The following CNTNAP1 variants were observed in gnomAD, a reference collection of about 807,000 sequenced individuals.
CNTNAP1 encodes contactin associated protein 1.
Under a neutral mutation model 161.5 loss-of-function variants are expected in CNTNAP1, and 80 were observed. The observed-to-expected ratio is 0.50, with a 90% CI of 0.41 to 0.60. The LOEUF (loss-of-function observed/expected upper bound fraction) is 0.60, where lower values mean the gene tolerates loss of function less well. Ranked by LOEUF, CNTNAP1 falls within the 20% of genes least tolerant of loss-of-function variation. The probability of loss-of-function intolerance (pLI) is 0.00; values close to 1 mark genes in which losing one functional copy is unlikely to be tolerated. For missense variants in CNTNAP1, 1,464 were observed against 1,854.8 expected, an observed-to-expected ratio of 0.79 and a Z score of 3.87; for synonymous variants, 695 against 733.1, an observed-to-expected ratio of 0.95 and a Z score of 0.84.
At chr17:42,689,237 A>G (rs2053055475) in intron 10 of CNTNAP1, among the ~76,000 whole-genome samples, 190 bp downstream of exon 10, 1 of 152,012 alleles carries the variant, frequency 6.6e-6, no homozygotes, top group South Asian at 2.1e-4. Context: ...TCAGGATGGA[A>G]ATGACACATT....
At chr17:42,698,219 A>T (rs2053175520) in intron 23 of CNTNAP1, among the ~76,000 whole-genome samples, 1 of 152,170 alleles carries the variant, frequency 6.6e-6, no homozygotes, top group Admixed American at 6.5e-5. Flanking sequence ...TTTTTAAATA[A>T]AATATTAAAA....
At chr17:42,692,780 A>T (rs1597809228) in intron 17 of CNTNAP1, 60 bp downstream of exon 17, 2 of 1,477,142 alleles carry the variant, frequency 1.4e-6, no homozygotes, top group Admixed American at 2.0e-5. Context: ...CTCCAAGGCC[A>T]CTCGCCTTGT....
At chr17:42,683,709 G>C in intron 1 of CNTNAP1, 112 bp from the exon 2 acceptor site, 1 of 1,476,856 alleles carries the variant, frequency 6.8e-7, no homozygotes. Context: ...GTGTGCCTCT[G>C]GGGGCGGGGG....
At position 42,691,773 on chromosome 17, in the gene CNTNAP1, CCT is replaced by C. The variant is rs1567973598; in HGVS notation, c.2345-32_2345-31del. The C allele has an allele frequency of 6.2e-7, 1 of 1,610,202 alleles. No homozygotes were observed. The highest frequency in any genetic ancestry group is 8.5e-7 in the Non-Finnish European group (1 of 1,176,852). ...TCTTCCTCCTCCACCCTCCAATCTC[CCT>C]GACAAGACCTTCCTCCATCTGCTTT... is the stretch of plus-strand genomic sequence containing the variant. On this transcript the variant is annotated intron_variant, in intron 15 of 23. Coordinates refer to ENST00000264638, the MANE Select transcript of CNTNAP1 (RefSeq NM_003632.3). The surrounding 1 kb of genome is among the most constrained non-coding windows in gnomAD (Gnocchi z 4.3).
At chr17:42,698,041 A>C (rs1051999674) in intron 23 of CNTNAP1, 91 bp downstream of exon 23, 4 of 1,436,086 alleles carry the variant, frequency 2.8e-6, no homozygotes, top group Admixed American at 1.7e-5. Flanking sequence ...AGGCTGCAGG[A>C]TGGCAAAGGC....
At chr17:42,697,114 A>T (rs1311532420) in intron 20 of CNTNAP1, among the ~76,000 whole-genome samples, 160 bp from the exon 21 acceptor site, 1 of 152,002 alleles carries the variant, frequency 6.6e-6, no homozygotes, top group Non-Finnish European at 1.5e-5. Context: ...TTGAGCTAGG[A>T]CTCACCCAGC....
Position 42,691,755 on chromosome 17 carries a change from C to G in CNTNAP1, c.2345-51C>G. ...GCCCCCAACCCCAGGTTCTCTTCCTCCTCCACCCTCCAATCTCCCTGACAA... is the reference window on the plus strand; with the variant it reads ...GCCCCCAACCCCAGGTTCTCTTCCTGCTCCACCCTCCAATCTCCCTGACAA... On this transcript the variant is annotated intron_variant, in intron 15 of 23. Transcript: ENST00000264638. The surrounding 1 kb of genome is among the most constrained non-coding windows in gnomAD (Gnocchi z 4.3). 4 of 1,590,504 alleles carry G rather than the reference C, an allele frequency of 2.5e-6. No individual in the cohort carries two copies. The highest frequency in any genetic ancestry group is 3.4e-6 in the Non-Finnish European group (4 of 1,160,788).
rs566767746 is a variant in CNTNAP1, at chr17:42,685,220, C to G, written c.515C>G (p.Ala172Gly). Residue 172 changes from alanine to glycine, a missense_variant, in exon 5 of 24, where the codon GCC becomes GGC. By Grantham distance (60) the Ala-to-Gly change is moderately conservative (BLOSUM62 0). Around this residue, in one of 3 missense-constraint regions of CNTNAP1, gnomAD observed 1,383 missense variants for 1,765.0 expected, o/e 0.78. Coordinates refer to ENST00000264638, the MANE Select transcript of CNTNAP1 (RefSeq NM_003632.3). This position sits in a 1 kb window ranked among gnomAD's most constrained non-coding sequence, Gnocchi z 5.0. The part of the protein sequence containing the change: ...RLGLYGCPYK[A>G]DILYFDGDDA... ...CCACCTACGGTCCTTTGCGCAGAGG[C>G]CGACATACTCTATTTCGACGGCGAC... 6.2e-7 allele frequency: 1 copy of G among 1,613,624 alleles called. No individual in the cohort carries two copies. Among genetic ancestry groups the G allele is most frequent in the Non-Finnish European group, 8.5e-7 (1 of 1,180,024 alleles).
chr17:42,694,957 A>G (rs2053134422), intron 18 of CNTNAP1, among the ~76,000 whole-genome samples: 1 of 151,936 alleles, frequency 6.6e-6, no homozygotes. Flanking sequence ...TGGCACATAT[A>G]CTACATGGGG....
chr17:42,683,027 T>A, intron 1 of CNTNAP1, 131 bp downstream of exon 1: 1 of 834,944 alleles, frequency 1.2e-6, no homozygotes, highest in Non-Finnish European at 1.8e-6. Flanking sequence ...GGCTCTCATC[T>A]TTTCCTGCCT....
Position 42,685,484 on chromosome 17 carries a change from T to C in CNTNAP1, c.715+64T>C. On this transcript the variant is annotated intron_variant, in intron 5 of 23. Coordinates refer to ENST00000264638, the MANE Select transcript of CNTNAP1 (RefSeq NM_003632.3). This position sits in a 1 kb window ranked among gnomAD's most constrained non-coding sequence, Gnocchi z 5.0. ...TGAAGCTCTCTCACCGCCCTCCTCGTGGCACCTCCTCCGCGCATCCGCGCT... is the reference window on the plus strand; with the variant it reads ...TGAAGCTCTCTCACCGCCCTCCTCGCGGCACCTCCTCCGCGCATCCGCGCT... The C allele has an allele frequency of 6.8e-7, 1 of 1,475,520 alleles. No individual in the cohort carries two copies. The highest frequency in any genetic ancestry group is 9.2e-7 in the Non-Finnish European group (1 of 1,088,106). The allele number at this position is 1,475,520 out of a possible 1,614,324, so 91.4% of individuals were successfully genotyped here.
At chr17:42,689,757 T>C (rs1274322655) in intron 11 of CNTNAP1, 130 bp downstream of exon 11, 1 of 761,588 alleles carries the variant, frequency 1.3e-6, no homozygotes, top group Admixed American at 2.2e-5. Flanking sequence ...TTTGGTTTTT[T>C]TGAGACAGAG....
In CNTNAP1 at chr17:42,697,945, T is replaced by C; in HGVS notation, c.3857T>C (p.Leu1286Ser). Residue 1286 changes from leucine (L) to serine (S), a missense_variant, in exon 23 of 24, where the codon TTA becomes TCA. Physicochemically the swap from Leu to Ser is moderately radical, Grantham distance 145 (BLOSUM62 -2). Coordinates refer to ENST00000264638, the MANE Select transcript of CNTNAP1 (RefSeq NM_003632.3). ...YHDEGWVAIL[L>S]GFLVAFLLLG... ...GATGAAGGATGGGTTGCCATACTTT[T>C]AGGCTGTGAGTAGCACTGATCACTA... 6.2e-7 allele frequency: 1 copy of C among 1,614,192 alleles called. No homozygotes were observed. Among genetic ancestry groups the C allele is most frequent in the South Asian group, 1.1e-5 (1 of 91,080 alleles).
In CNTNAP1 at chr17:42,682,672, G is replaced by A. The variant is rs2052949959; in HGVS notation, c.-158G>A. On this transcript the variant is annotated 5_prime_UTR_variant, in exon 1 of 24. Coordinates refer to ENST00000264638, the MANE Select transcript of CNTNAP1 (RefSeq NM_003632.3). ...AGAGAAAAGAGAGAGGAGAGACAGA[G>A]CGCTTGGGGGCGAAAGGAGAGAGGG... 1 of 680,842 alleles carries A rather than the reference G, an allele frequency of 1.5e-6. No homozygotes were observed. The highest frequency in any genetic ancestry group is 1.7e-5 in the South Asian group (1 of 58,806). The allele number at this position is 680,842 out of a possible 1,614,324, so 42.2% of individuals were successfully genotyped here.
Position 42,690,884 on chromosome 17 carries a change from G to A in CNTNAP1, c.2001G>A (p.Gln667=). The change falls in exon 13 of 24, where the codon CAG becomes CAA. Residue 667 remains glutamine, a synonymous_variant. Coordinates refer to ENST00000264638, the MANE Select transcript of CNTNAP1 (RefSeq NM_003632.3). ...TCAGTGCCCTTGCCAATGCTTCCCA[G>A]CATTGTGAACAGTGGATCGAGTTCT... ...EEVSALANAS[Q]HCEQWIEFSC... is the part of the protein sequence containing the mutation. 2 of 1,614,240 alleles carry A rather than the reference G, an allele frequency of 1.2e-6. No homozygotes were observed. The highest frequency in any genetic ancestry group is 1.7e-6 in the Non-Finnish European group (2 of 1,180,046).
intron 18 of CNTNAP1, among the ~76,000 whole-genome samples, chr17:42,694,274 C>T (rs752458913): frequency 2.0e-5 from 3 of 151,696 alleles, no homozygotes; most frequent in Non-Finnish European, 2.9e-5. Context: ...CGGGCTGAAG[C>T]GATTCTCCTG....
At chr17:42,688,208 T>C (rs757836481) in intron 8 of CNTNAP1, among the ~76,000 whole-genome samples, 1 of 152,190 alleles carries the variant, frequency 6.6e-6, no homozygotes, top group Non-Finnish European at 1.5e-5. Context: ...CTGGGAGTCC[T>C]GGTATTCTCC....
Position 42,690,759 on chromosome 17 carries a change from G to A in CNTNAP1, c.1876G>A (p.Val626Met). The A allele has an allele frequency of 1.2e-6, 2 of 1,614,216 alleles. No individual in the cohort carries two copies. Among genetic ancestry groups the A allele is most frequent in the Non-Finnish European group, 1.7e-6 (2 of 1,180,040 alleles). Reference protein sequence around the residue: ...DIRENRAWTVVRHDRLWTTRV... With the variant: ...DIRENRAWTVMRHDRLWTTRV... Reference sequence around the variant, plus strand: ...GCCAGAGAACCGAGCGTGGACAGTTGTGCGGCATGACAGGCTGTGGACAAC... The same window carrying A: ...GCCAGAGAACCGAGCGTGGACAGTTATGCGGCATGACAGGCTGTGGACAAC... The change falls in exon 13 of 24, where the codon GTG becomes ATG. Residue 626 changes from valine (V) to methionine (M), a missense_variant. Transcript: ENST00000264638.
chr17:42,685,363 G>A lies in CNTNAP1; in HGVS notation c.658G>A (p.Gly220Ser). The change falls in exon 5 of 24, where the codon GGC becomes AGC. Residue 220 changes from glycine (G) to serine (S), a missense_variant. Transcript: ENST00000264638. This position sits in a 1 kb window ranked among gnomAD's most constrained non-coding sequence, Gnocchi z 5.0. ...GLLLHAEGAQ[G>S]DYVTLELEGA... Reference sequence around the variant, plus strand: ...TCTGCTGCACGCCGAGGGCGCCCAGGGCGACTACGTGACGCTCGAGCTGGA... The same window carrying A: ...TCTGCTGCACGCCGAGGGCGCCCAGAGCGACTACGTGACGCTCGAGCTGGA... The A allele has an allele frequency of 6.2e-7, 1 of 1,608,368 alleles. No individual in the cohort carries two copies. Among genetic ancestry groups the A allele is most frequent in the Non-Finnish European group, 8.5e-7 (1 of 1,179,980 alleles).
Sources: gnomAD v4.1 joint callset for allele counts (sites outside exome capture counted in the v4.1 genomes callset) on GRCh38, gnomAD v4.1.1 for gene constraint, gnomAD v4.1.1 regional missense constraint, Gnocchi (gnomAD v3.1) non-coding constraint, MANE v1.5 for transcripts, NCBI Gene and HGNC (gene_info 2026-07-23, HGNC 2026-07-21) for gene names.